The following ANXA2 variants were observed in gnomAD, a reference collection of about 807,000 sequenced individuals.
The protein encoded by ANXA2 is annexin II.
A neutral mutation model predicts 47.3 loss-of-function variants in ANXA2; 28 were observed. That is an observed-to-expected ratio of 0.59 (90% CI 0.44 to 0.81). The LOEUF is 0.81. Among genes scored for constraint, ANXA2 ranks in the 40% least tolerant of loss-of-function variants. The probability of loss-of-function intolerance (pLI) is 0.00; values close to 1 mark genes in which losing one functional copy is unlikely to be tolerated. For missense variants in ANXA2, 384 were observed against 414.3 expected (o/e 0.93, Z 0.64); for synonymous variants, 172 against 155.5 (o/e 1.11, Z -0.79).
intron 5 of ANXA2, among the ~76,000 whole-genome samples, chr15:60,358,356 T>C (rs1466623686): frequency 6.6e-6 from 1 of 152,192 alleles, no homozygotes; most frequent in Non-Finnish European, 1.5e-5. Flanking sequence ...AAAGTCAAGA[T>C]TTAATAATCA....
chr15:60,362,551 T>C (rs2062531196), intron 4 of ANXA2: 1 of 152,216 alleles, frequency 6.6e-6, no homozygotes, highest in Non-Finnish European at 1.5e-5. Flanking sequence ...GCCTAGGTTC[T>C]TCAAGCTCAT....
intron 3 of ANXA2, among the ~76,000 whole-genome samples, chr15:60,374,231 C>G (rs2062747855): frequency 6.6e-6 from 1 of 152,216 alleles, no homozygotes; most frequent in Non-Finnish European, 1.5e-5. Context: ...AGAACCTTGT[C>G]TGCCTTCCAT....
chr15:60,387,297 C>T (rs2062946656), intron 1 of ANXA2, among the ~76,000 whole-genome samples: 1 of 152,204 alleles, frequency 6.6e-6, no homozygotes, highest in African/African-American at 2.4e-5. Context: ...TTTTTATGCA[C>T]AGCGAAAAGT....
In ANXA2 at chr15:60,393,093, G is replaced by C. The variant is rs1037150893; in HGVS notation, c.-12+4850C>G. The C allele has an allele frequency of 7.0e-6, 9 of 1,287,516 alleles. No individual in the cohort carries two copies. In the African/African-American group the frequency reaches 1.4e-4, roughly 20 times the overall value. The allele number at this position is 1,287,516 out of a possible 1,614,324, so 79.8% of individuals were successfully genotyped here. ...TTTTATGGTCTTGATTAATGACTGAGTCACAGGGCCAACTCATTCCCCAGA... is the reference window on the plus strand; with the variant it reads ...TTTTATGGTCTTGATTAATGACTGACTCACAGGGCCAACTCATTCCCCAGA... On this transcript the variant is annotated intron_variant, in intron 1 of 12. Transcript: ENST00000451270.
chr15:60,382,077 G>A (rs75712029), intron 3 of ANXA2, among the ~76,000 whole-genome samples: 7,066 of 148,062 alleles, frequency 0.048, 234 homozygotes, highest in Middle Eastern at 0.083. Context: ...AGGGAGGAAG[G>A]AAGGAAGAGC....
intron 3 of ANXA2, among the ~76,000 whole-genome samples, chr15:60,372,338 C>G (rs181890413): frequency 8.5e-4 from 129 of 152,264 alleles, no homozygotes; most frequent in South Asian, 3.5e-3. Flanking sequence ...CAAGGTCACA[C>G]AAGCAAGACA....
rs2062423481 is a variant in ANXA2 at position 60,355,946 on chromosome 15, G to A, written c.501C>T (p.Phe167=). ...KDIISDTSGD[F]RKLMVALAKG... ...TTGCCAGGGCAACCATCAGCTTGCG[G>A]AAGTCACCAGATGTGTCCGAAATAA... is the stretch of plus-strand genomic sequence containing the variant. Residue 167 remains phenylalanine, a synonymous_variant, in exon 7 of 13, where the codon TTC becomes TTT. Coordinates refer to ENST00000451270, the MANE Select transcript of ANXA2 (RefSeq NM_004039.3). 6.2e-7 allele frequency: 1 copy of A among 1,614,148 alleles called. No individual in the cohort carries two copies. The highest frequency in any genetic ancestry group is 8.5e-7 in the Non-Finnish European group (1 of 1,179,978).
chr15:60,374,722 C>T (rs751090375), intron 3 of ANXA2: 6 of 455,958 alleles, frequency 1.3e-5, no homozygotes, highest in South Asian at 7.7e-5. Flanking sequence ...CAAAGAAAAT[C>T]TGTGCTGGCA....
intron 3 of ANXA2, among the ~76,000 whole-genome samples, chr15:60,377,054 T>A (rs2062789350): frequency 6.6e-6 from 1 of 152,222 alleles, no homozygotes; most frequent in Non-Finnish European, 1.5e-5. Context: ...ATACTTGAGG[T>A]TTATACCGTG....
chr15:60,387,570 T>A (rs1185058105), intron 1 of ANXA2, among the ~76,000 whole-genome samples: 1 of 152,176 alleles, frequency 6.6e-6, no homozygotes, highest in African/African-American at 2.4e-5. Context: ...TAGTTCCAAC[T>A]TCATACCATT....
intron 3 of ANXA2, among the ~76,000 whole-genome samples, chr15:60,367,600 CAGG>C (rs1466994256): frequency 2.8e-5 from 2 of 71,582 alleles, no homozygotes; most frequent in Admixed American, 1.5e-4. Flanking sequence ...CCGCCCTATC[CAGG>C]AGGTGAGGGG....
At chr15:60,358,257 T>C (rs1430350094) in intron 5 of ANXA2, among the ~76,000 whole-genome samples, 1 of 152,222 alleles carries the variant, frequency 6.6e-6, no homozygotes, top group Non-Finnish European at 1.5e-5. Context: ...ATGGGTGATG[T>C]ATTCAAATTT....
chr15:60,352,434 GAAC>G lies in ANXA2; in HGVS notation c.628_630del (p.Val210del). 3 of 1,613,644 alleles carry G rather than the reference GAAC, an allele frequency of 1.9e-6. No homozygotes were observed. The highest frequency in any genetic ancestry group is 1.7e-5 in the Admixed American group (1 of 59,994). ...TCGGTCATGATGCTGATCCACTTGG[GAAC>G]ATCAGTTCCTTTCCTCTTCACTCCA... On this transcript the variant is annotated inframe_deletion, in exon 9 of 13. Coordinates refer to ENST00000451270, the MANE Select transcript of ANXA2 (RefSeq NM_004039.3). This position sits in a 1 kb window ranked among gnomAD's most constrained non-coding sequence, Gnocchi z 4.2.
chr15:60,379,722 C>T (rs1332464513), intron 3 of ANXA2, among the ~76,000 whole-genome samples: 6 of 152,132 alleles, frequency 3.9e-5, no homozygotes, highest in African/African-American at 1.4e-4. Context: ...CAGTATCTGC[C>T]CACAACGAGC....
At chr15:60,378,001 T>C (rs566062056) in intron 3 of ANXA2, among the ~76,000 whole-genome samples, 3 of 152,038 alleles carry the variant, frequency 2.0e-5, no homozygotes, top group Non-Finnish European at 4.4e-5. Flanking sequence ...AACAGGAGAA[T>C]TGCTTGAACC....
chr15:60,352,622 ACTATTTAGGTCAAAAGTCTTAATCACAAG>A lies in ANXA2; in HGVS notation c.589-175_589-147del. The A allele has an allele frequency of 1.5e-6, 1 of 649,432 alleles. No homozygotes were observed. Among genetic ancestry groups the A allele is most frequent in the East Asian group, 2.7e-5 (1 of 36,800 alleles). 40.2% of individuals were successfully genotyped at this position (649,432 alleles called of 1,614,324 possible). On this transcript the variant is annotated intron_variant, in intron 8 of 12. Transcript: ENST00000451270. The surrounding 1 kb of genome is among the most constrained non-coding windows in gnomAD (Gnocchi z 4.2). ...ATACTGCAGACATGGGCAGAGACCT[ACTATTTAGGTCAAAAGTCTTAATCACAAG>A]CAGTCTTCCTTAGGCACAGATGGAT...
At chr15:60,348,821 C>T (rs1339564645) in intron 12 of ANXA2, among the ~76,000 whole-genome samples, 2 of 151,838 alleles carry the variant, frequency 1.3e-5, no homozygotes, top group Non-Finnish European at 2.9e-5. Flanking sequence ...GCAGGATCAT[C>T]GTCATGAACA....
At chr15:60,374,410 G>A (rs2140886731) in intron 3 of ANXA2, 1 of 454,374 alleles carries the variant, frequency 2.2e-6, no homozygotes, top group East Asian at 6.9e-5. Context: ...TAAAAAATGT[G>A]AACAGATGCG....
At chr15:60,350,720 C>T (rs1264094236) in intron 11 of ANXA2, among the ~76,000 whole-genome samples, 1 of 152,102 alleles carries the variant, frequency 6.6e-6, no homozygotes, top group African/African-American at 2.4e-5. Context: ...GTCTGTGTAA[C>T]TTCAAGCAGG....
Sources: gnomAD v4.1 joint callset for allele counts (sites outside exome capture counted in the v4.1 genomes callset) on GRCh38, gnomAD v4.1.1 for gene constraint, Gnocchi (gnomAD v3.1) non-coding constraint, MANE v1.5 for transcripts, NCBI Gene and HGNC (gene_info 2026-07-23, HGNC 2026-07-21) for gene names.